The following SCTR variants were observed in gnomAD, a reference collection of about 807,000 sequenced individuals.
The protein encoded by SCTR is secretin receptor, also known as pancreatic secretin receptor.
A neutral mutation model predicts 60.8 loss-of-function variants in SCTR; 56 were observed. That is an observed-to-expected ratio of 0.92 (90% CI 0.74 to 1.15). The LOEUF (loss-of-function observed/expected upper bound fraction) is 1.15, where lower values mean the gene tolerates loss of function less well. SCTR is among the 50% of genes most tolerant of loss of function. The pLI is 0.00. For synonymous variants in SCTR, 202 were observed against 217.0 expected (o/e 0.93, Z 0.61); for missense variants, 562 against 550.4 (o/e 1.02, Z -0.21).
chr2:119,448,086 C>T (rs1160571181), intron 10 of SCTR, among the ~76,000 whole-genome samples: 1 of 152,138 alleles, frequency 6.6e-6, no homozygotes, highest in Non-Finnish European at 1.5e-5. Flanking sequence ...CAGAGGGACA[C>T]CAGGGATGCC....
chr2:119,443,733 G>A (rs1289757516), intron 11 of SCTR, among the ~76,000 whole-genome samples: 1 of 152,146 alleles, frequency 6.6e-6, no homozygotes, highest in Non-Finnish European at 1.5e-5. Context: ...TTTTAGTAGA[G>A]ACAGGCTTTC....
At chr2:119,487,099 G>A (rs983294876) in intron 2 of SCTR, 15 of 152,218 alleles carry the variant, frequency 9.9e-5, no homozygotes, top group South Asian at 2.1e-4. Context: ...GTCCAGCACT[G>A]GCAAATCCAC....
chr2:119,450,068 G>GAA (rs1195823556), intron 9 of SCTR, among the ~76,000 whole-genome samples: 19 of 141,018 alleles, frequency 1.3e-4, no homozygotes, highest in African/African-American at 5.2e-4. Context: ...GAAAAAGAAA[G>GAA]AAAGAAAGAA....
chr2:119,463,472 G>A (rs73951110), intron 6 of SCTR, among the ~76,000 whole-genome samples: 21,597 of 152,194 alleles, frequency 0.14, 1,757 homozygotes, highest in East Asian at 0.3. Context: ...ATGGCAGTGC[G>A]GAAACAGGGG....
Position 119,448,734 on chromosome 2 carries a change from T to C in SCTR, c.968A>G (p.Lys323Arg). 6.2e-7 allele frequency: 1 copy of C among 1,604,206 alleles called. No homozygotes were observed. Among genetic ancestry groups the C allele is most frequent in the Non-Finnish European group, 8.5e-7 (1 of 1,170,928 alleles). ...FINILRILMRKLRTQETRGNE... is the reference protein window; with the variant it reads ...FINILRILMRRLRTQETRGNE... Reference sequence around the variant, plus strand: ...TCCTCTTGTTTCTTGGGTTCTAAGTTTTCTCATCAGGATTCTTAGAATGTT... The same window carrying C: ...TCCTCTTGTTTCTTGGGTTCTAAGTCTTCTCATCAGGATTCTTAGAATGTT... Residue 323 changes from lysine (K) to arginine (R), a missense_variant, in exon 10 of 13, where the codon AAA (lysine) becomes AGA (arginine). Physicochemically the swap from Lys to Arg is conservative, Grantham distance 26. Transcript: ENST00000019103.
At chr2:119,501,852 A>G (rs1033296010) in intron 1 of SCTR, among the ~76,000 whole-genome samples, 23 of 152,230 alleles carry the variant, frequency 1.5e-4, no homozygotes, top group African/African-American at 5.5e-4. Flanking sequence ...TCTACCAAAA[A>G]AAAATCCTAG....
Position 119,451,926 on chromosome 2 carries a change from T to C in SCTR, c.921+84A>G, listed in dbSNP as rs1683185206. On this transcript the variant is annotated intron_variant, in intron 9 of 12. Transcript: ENST00000019103. ...CTCCTGGCACCTGCAGGGAGCCCTG[T>C]CCTTCCACCCTCTGCCCCTGTGGGC... 3.5e-6 allele frequency: 3 copies of C among 846,898 alleles called. No individual in the cohort carries two copies. The Admixed American group carries it at 6.0e-5, about 17-fold the overall frequency. The allele number at this position is 846,898 out of a possible 1,614,324, so 52.5% of individuals were successfully genotyped here. A position where few individuals can be genotyped will look rare whatever the true frequency, so the allele number is the denominator to read the frequency against.
chr2:119,473,132 C>T (rs942118285), intron 4 of SCTR, among the ~76,000 whole-genome samples: 2 of 152,206 alleles, frequency 1.3e-5, no homozygotes, highest in Admixed American at 1.3e-4. Flanking sequence ...CAGCCTTGCT[C>T]TGAGCATTTA....
intron 8 of SCTR, among the ~76,000 whole-genome samples, chr2:119,452,485 G>A (rs1459077269): frequency 1.3e-5 from 2 of 152,142 alleles, no homozygotes; most frequent in Admixed American, 6.5e-5. Context: ...GCAAACTGGG[G>A]AGCATGTGCC....
chr2:119,467,667 C>T (rs1683894911), intron 4 of SCTR, among the ~76,000 whole-genome samples: 1 of 151,816 alleles, frequency 6.6e-6, no homozygotes, highest in Admixed American at 6.6e-5. Flanking sequence ...CATATTTATA[C>T]ATGAAGATGT....
chr2:119,449,481 CAAACATGT>C (rs1468663304), intron 9 of SCTR, among the ~76,000 whole-genome samples: 1 of 152,130 alleles, frequency 6.6e-6, no homozygotes, highest in African/African-American at 2.4e-5. Context: ...ATGTGTCTGT[CAAACATGT>C]ATGTGCCTAG....
At chr2:119,511,697 G>A (rs2104941862) in intron 1 of SCTR, among the ~76,000 whole-genome samples, 1 of 152,202 alleles carries the variant, frequency 6.6e-6, no homozygotes, top group East Asian at 1.9e-4. Flanking sequence ...CCTGTCTCCT[G>A]GCTGGGGTCT....
At chr2:119,490,777 C>T (rs1460944857) in intron 2 of SCTR, among the ~76,000 whole-genome samples, 1 of 152,202 alleles carries the variant, frequency 6.6e-6, no homozygotes, top group African/African-American at 2.4e-5. Flanking sequence ...TCTGGGCACA[C>T]CAATCTCACT....
intron 1 of SCTR, among the ~76,000 whole-genome samples, chr2:119,519,260 C>T (rs1679211378): frequency 1.3e-5 from 2 of 152,066 alleles, no homozygotes. Context: ...CAGGCATGGG[C>T]CACCGCGCTC....
intron 1 of SCTR, among the ~76,000 whole-genome samples, chr2:119,504,125 C>G (rs928461376): frequency 6.6e-6 from 1 of 152,066 alleles, no homozygotes; most frequent in African/African-American, 2.4e-5. Context: ...TATGCACAAC[C>G]AATTACTGAC....
At chr2:119,499,798 C>CA (rs976638115) in intron 1 of SCTR, among the ~76,000 whole-genome samples, 28 of 151,470 alleles carry the variant, frequency 1.8e-4, no homozygotes, top group Non-Finnish European at 3.5e-4. Context: ...AAAGAGCATC[C>CA]AAAAAAAACC....
At chr2:119,520,956 A>T (rs916381997) in intron 1 of SCTR, among the ~76,000 whole-genome samples, 2 of 152,162 alleles carry the variant, frequency 1.3e-5, no homozygotes, top group African/African-American at 4.8e-5. Flanking sequence ...CCCCAGAAAA[A>T]ATTTGGCAAT....
chr2:119,500,663 G>C (rs1678513295), intron 1 of SCTR, among the ~76,000 whole-genome samples: 1 of 152,180 alleles, frequency 6.6e-6, no homozygotes, highest in Admixed American at 6.5e-5. Context: ...TCATACATGG[G>C]AACTAAAAAG....
intron 7 of SCTR, among the ~76,000 whole-genome samples, chr2:119,456,631 A>G (rs1014552923): frequency 5.9e-5 from 9 of 152,178 alleles, no homozygotes; most frequent in Non-Finnish European, 1.2e-4. Flanking sequence ...AGAAAGCTCT[A>G]GAAAAAAACA....
Sources: gnomAD v4.1 joint callset for allele counts (sites outside exome capture counted in the v4.1 genomes callset) on GRCh38, gnomAD v4.1.1 for gene constraint, MANE v1.5 for transcripts, NCBI Gene and HGNC (gene_info 2026-07-23, HGNC 2026-07-21) for gene names.